The following TMEM132B variants were observed in gnomAD, a reference collection of about 807,000 sequenced individuals.
TMEM132B encodes transmembrane protein 132B.
TMEM132B carries 18 observed loss-of-function variants against 90.8 expected under a neutral mutation model. That is an observed-to-expected ratio of 0.20 (90% CI 0.14 to 0.29). TMEM132B has a LOEUF of 0.29. TMEM132B is among the 10% of genes least tolerant of loss of function. The pLI, the probability that TMEM132B is intolerant of heterozygous loss-of-function variation, is 1.00. For missense variants in TMEM132B, 1,096 were observed against 1,326.8 expected (o/e 0.83, Z 2.70); for synonymous variants, 504 against 523.3 (o/e 0.96, Z 0.50).
chr12:125,516,812 A>G (rs1026534404), intron 3 of TMEM132B, among the ~76,000 whole-genome samples: 24 of 152,330 alleles, frequency 1.6e-4, no homozygotes, highest in African/African-American at 5.8e-4. Context: ...GCAGCTTCCT[A>G]GTTCTGGTTA....
At chr12:125,369,490 G>A (rs1212067668) in intron 2 of TMEM132B, among the ~76,000 whole-genome samples, 1 of 152,114 alleles carries the variant, frequency 6.6e-6, no homozygotes, top group South Asian at 2.1e-4. Context: ...ATTTTTTTCA[G>A]TAAAAATCAT....
At chr12:125,475,697 G>A (rs190537937) in intron 3 of TMEM132B, among the ~76,000 whole-genome samples, 1 of 152,240 alleles carries the variant, frequency 6.6e-6, no homozygotes, top group East Asian at 1.9e-4. Flanking sequence ...CTTGCACATG[G>A]CCTGTTGTGG....
At chr12:125,501,612 A>C (rs1882698414) in intron 3 of TMEM132B, among the ~76,000 whole-genome samples, 1 of 151,944 alleles carries the variant, frequency 6.6e-6, no homozygotes, top group Non-Finnish European at 1.5e-5. Context: ...TCCCACTTGT[A>C]AGTGAGAACA....
chr12:125,322,268 G>A (rs1876448172), intron 1 of TMEM132B, among the ~76,000 whole-genome samples: 1 of 152,186 alleles, frequency 6.6e-6, no homozygotes, highest in Non-Finnish European at 1.5e-5. Flanking sequence ...ACACTCTCTT[G>A]CCTGCCGCCA....
chr12:125,449,215 C>T lies in TMEM132B; in HGVS notation c.1106+33538C>T, dbSNP rs562460598. ...ATCCCCTGACCTGGTGATCTGCCTGCCTCGGCCTCCCAAAGTGCTGGGATT... is the reference window on the plus strand; with the variant it reads ...ATCCCCTGACCTGGTGATCTGCCTGTCTCGGCCTCCCAAAGTGCTGGGATT... On this transcript the variant is annotated intron_variant, in intron 3 of 8. Transcript: ENST00000682704. Among the ~76,000 whole-genome samples the T allele has an allele frequency of 2.8e-4, 42 of 152,274 alleles. No homozygotes were observed. The South Asian group carries it at 7.3e-3, about 26-fold the overall frequency.
At chr12:125,361,597 TCGAGAG>T (rs1249719998) in intron 2 of TMEM132B, among the ~76,000 whole-genome samples, 1 of 152,198 alleles carries the variant, frequency 6.6e-6, no homozygotes, top group Non-Finnish European at 1.5e-5. Flanking sequence ...CCAGATCAAG[TCGAGAG>T]CTAAGAGCTT....
At chr12:125,435,560 G>A (rs1880675728) in intron 3 of TMEM132B, among the ~76,000 whole-genome samples, 1 of 152,204 alleles carries the variant, frequency 6.6e-6, no homozygotes, top group African/African-American at 2.4e-5. Flanking sequence ...CAAGAGCCAG[G>A]CACTAGTATA....
Position 125,654,192 on chromosome 12 carries a change from G to T in TMEM132B, c.2734G>T (p.Val912Phe). The change falls in exon 9 of 9, where the codon GTC becomes TTC. Residue 912 changes from valine to phenylalanine, a missense_variant. Val to Phe is a conservative substitution (Grantham distance 50). Coordinates refer to ENST00000682704, the MANE Select transcript of TMEM132B (RefSeq NM_001366854.1). This position sits in a 1 kb window ranked among gnomAD's most constrained non-coding sequence, Gnocchi z 5.8. ...LEIGMYALLC[V>F]FCLAILVFLI... Reference sequence around the variant, plus strand: ...GATTGGCATGTATGCCTTGCTCTGCGTCTTCTGTCTGGCCATTCTGGTCTT... The same window carrying T: ...GATTGGCATGTATGCCTTGCTCTGCTTCTTCTGTCTGGCCATTCTGGTCTT... The T allele has an allele frequency of 6.2e-7, 1 of 1,614,222 alleles. No individual in the cohort carries two copies.
At position 125,277,849 on chromosome 12, in the gene TMEM132B, G is replaced by A. The variant is rs948438753; in HGVS notation, c.68-71603G>A. ...TACTGTTTAAAAACAGAAATTTTAT[G>A]TAAAAGCCTGGATTTTTGGCATCTC... On this transcript the variant is annotated intron_variant, in intron 1 of 8. Transcript: ENST00000682704. This position sits in a 1 kb window ranked among gnomAD's most constrained non-coding sequence, Gnocchi z 4.3. 1.3e-5 allele frequency among the ~76,000 whole-genome samples: 2 copies of A among 152,214 alleles called. No individual in the cohort carries two copies. Among genetic ancestry groups the A allele is most frequent in the Admixed American group, 6.5e-5 (1 of 15,282 alleles).
chr12:125,314,589 G>A lies in TMEM132B; in HGVS notation c.68-34863G>A, dbSNP rs559078573. 3.3e-5 allele frequency among the ~76,000 whole-genome samples: 5 copies of A among 152,254 alleles called. No individual in the cohort carries two copies. In the East Asian group the frequency reaches 9.7e-4, roughly 30 times the overall value. On this transcript the variant is annotated intron_variant, in intron 1 of 8. Coordinates refer to ENST00000682704, the MANE Select transcript of TMEM132B (RefSeq NM_001366854.1). ...TCCTGGAAGAGACTGAGCCAGCAAG[G>A]CTTCAACGGGGCAAATTCTCTAAAC...
At position 125,213,398 on chromosome 12, in the gene TMEM132B, A is replaced by G. The variant is rs766541753; in HGVS notation, c.67+26532A>G. Among the ~76,000 whole-genome samples the G allele has an allele frequency of 6.6e-6, 1 of 152,178 alleles. No homozygotes were observed. The highest frequency in any genetic ancestry group is 1.5e-5 in the Non-Finnish European group (1 of 68,022). On this transcript the variant is annotated intron_variant, in intron 1 of 8. Coordinates refer to ENST00000682704, the MANE Select transcript of TMEM132B (RefSeq NM_001366854.1). The surrounding 1 kb of genome is among the most constrained non-coding windows in gnomAD (Gnocchi z 4.2). ...CTGCTGAGAACATTTGTGTACAAGTATTTGTTTGAGCACCTGTTTTCATTC... is the reference window on the plus strand; with the variant it reads ...CTGCTGAGAACATTTGTGTACAAGTGTTTGTTTGAGCACCTGTTTTCATTC...
intron 4 of TMEM132B, among the ~76,000 whole-genome samples, chr12:125,563,245 A>G (rs1328293224): frequency 1.3e-5 from 2 of 151,978 alleles, no homozygotes; most frequent in African/African-American, 4.8e-5. Flanking sequence ...AAGTGAGCAC[A>G]TGCTGCTGGA....
intron 1 of TMEM132B, among the ~76,000 whole-genome samples, chr12:125,345,936 A>T (rs1877347167): frequency 6.6e-6 from 1 of 152,230 alleles, no homozygotes; most frequent in Non-Finnish European, 1.5e-5. Flanking sequence ...ATTAAAGGGA[A>T]GAGTGTTAGC....
rs762032967 is a variant in TMEM132B, at chr12:125,238,366, C to CAA, written c.67+51509_67+51510dup. Among the ~76,000 whole-genome samples the CAA allele has an allele frequency of 8.7e-3, 965 of 111,372 alleles. 7 individuals carry two copies. Among genetic ancestry groups the CAA allele is most frequent in the Middle Eastern group, 0.026 (5 of 194 alleles). 73.1% of individuals were successfully genotyped at this position (111,372 alleles called of 152,430 possible). ...AGACTCCGTCTCAAAAAAAAAAAAC[C>CAA]AAAAAAAAAACAAAAAAAAACCAAA... On this transcript the variant is annotated intron_variant, in intron 1 of 8. Coordinates refer to ENST00000682704, the MANE Select transcript of TMEM132B (RefSeq NM_001366854.1).
At chr12:125,627,528 C>T (rs1386314918) in intron 5 of TMEM132B, among the ~76,000 whole-genome samples, 1 of 148,146 alleles carries the variant, frequency 6.8e-6, no homozygotes. Context: ...GGTTTTTTAA[C>T]ATTTTTTTAA....
chr12:125,466,372 C>T (rs1881562845), intron 3 of TMEM132B, among the ~76,000 whole-genome samples: 1 of 152,148 alleles, frequency 6.6e-6, no homozygotes, highest in Admixed American at 6.5e-5. Flanking sequence ...CGCTCTGTTC[C>T]CTGATATCGG....
At chr12:125,387,714 TG>T (rs1367032369) in intron 2 of TMEM132B, among the ~76,000 whole-genome samples, 1 of 152,094 alleles carries the variant, frequency 6.6e-6, no homozygotes, top group South Asian at 2.1e-4. Flanking sequence ...TAAGAAATGG[TG>T]GTGAATTTTA....
At chr12:125,476,672 G>GA (rs1423508655) in intron 3 of TMEM132B, among the ~76,000 whole-genome samples, 6 of 152,304 alleles carry the variant, frequency 3.9e-5, no homozygotes, top group African/African-American at 1.4e-4. Flanking sequence ...TGAGTTGGGG[G>GA]AGAGTACAAA....
Position 125,492,623 on chromosome 12 carries a change from T to G in TMEM132B, c.1107-26816T>G, listed in dbSNP as rs1212335120. 6.6e-6 allele frequency among the ~76,000 whole-genome samples: 1 copy of G among 151,918 alleles called. No individual in the cohort carries two copies. Among genetic ancestry groups the G allele is most frequent in the East Asian group, 1.9e-4 (1 of 5,174 alleles). ...GTGAGGAGGCTACGGCAGCCTCGGGTCCCAGCAGGGCAGGCATGGGGTCTG... is the reference window on the plus strand; with the variant it reads ...GTGAGGAGGCTACGGCAGCCTCGGGGCCCAGCAGGGCAGGCATGGGGTCTG... On this transcript the variant is annotated intron_variant, in intron 3 of 8. Coordinates refer to ENST00000682704, the MANE Select transcript of TMEM132B (RefSeq NM_001366854.1). The surrounding 1 kb of genome is among the most constrained non-coding windows in gnomAD (Gnocchi z 5.8).
Sources: allele counts gnomAD v4.1 joint callset (sites outside exome capture counted in the v4.1 genomes callset), GRCh38; gene constraint gnomAD v4.1.1; non-coding constraint Gnocchi (gnomAD v3.1); transcripts MANE v1.5; gene names NCBI Gene and HGNC (gene_info 2026-07-23, HGNC 2026-07-21).